PAK1: variants seen among roughly 807,000 people sequenced by gnomAD.
PAK1 encodes the protein serine/threonine-protein kinase PAK 1.
PAK1 carries 29 observed loss-of-function variants against 67.4 expected under a neutral mutation model. The ratio of observed to expected loss-of-function variants is 0.43; its 90% CI spans 0.32 to 0.59. PAK1 has a LOEUF of 0.59. Among genes scored for constraint, PAK1 ranks in the 20% least tolerant of loss-of-function variants. The probability of loss-of-function intolerance (pLI) is 0.07; values close to 1 mark genes in which losing one functional copy is unlikely to be tolerated. For synonymous variants in PAK1, 223 were observed against 237.4 expected (o/e 0.94, Z 0.56); for missense variants, 337 against 670.7 (o/e 0.50, Z 5.50).
the PAK1 span, among the ~76,000 whole-genome samples, chr11:77,503,888 T>C: frequency 6.6e-6 from 1 of 152,186 alleles, no homozygotes; most frequent in South Asian, 2.1e-4. Flanking sequence ...AAAGTATTTA[T>C]GAATCTTTTT....
intron 8 of PAK1, 109 bp from the exon 9 acceptor site, chr11:77,349,396 A>G (rs113728431): frequency 2.7e-5 from 22 of 817,416 alleles, no homozygotes; most frequent in African/African-American, 3.4e-5. Context: ...AAACAAGAGC[A>G]GTAAAAATAA....
intron 1 of PAK1, among the ~76,000 whole-genome samples, chr11:77,465,657 G>A (rs1957562615): frequency 6.6e-6 from 1 of 152,088 alleles, no homozygotes; most frequent in South Asian, 2.1e-4. Flanking sequence ...TAAGTGGGAG[G>A]GAATGTTATA....
At chr11:77,338,824 A>G (rs1943136883) in intron 11 of PAK1, among the ~76,000 whole-genome samples, 1 of 152,224 alleles carries the variant, frequency 6.6e-6, no homozygotes, top group Admixed American at 6.5e-5. Context: ...GCCAATTACA[A>G]AAGAGCAAAT....
At chr11:77,460,121 C>A (rs574652094) in intron 1 of PAK1, among the ~76,000 whole-genome samples, 56 of 147,570 alleles carry the variant, frequency 3.8e-4, no homozygotes, top group African/African-American at 1.4e-3. Context: ...GTGTGAAGGC[C>A]CTGAGGAGAG....
At chr11:77,507,804 G>A in the PAK1 span, among the ~76,000 whole-genome samples, 1 of 152,108 alleles carries the variant, frequency 6.6e-6, no homozygotes. Flanking sequence ...GGGATTACAC[G>A]CATGAGCCAC....
At chr11:77,401,291 T>C (rs1330982801) in intron 1 of PAK1, among the ~76,000 whole-genome samples, 2 of 152,146 alleles carry the variant, frequency 1.3e-5, no homozygotes, top group East Asian at 3.9e-4. Flanking sequence ...GATGTCCTTC[T>C]AACATGTCAA....
chr11:77,489,669 T>G, the PAK1 span, among the ~76,000 whole-genome samples: 1 of 151,700 alleles, frequency 6.6e-6, no homozygotes, highest in Non-Finnish European at 1.5e-5. Flanking sequence ...CGGGCTGGTC[T>G]CCAGCTCCTA....
At chr11:77,361,932 A>T (rs1946846212) in intron 5 of PAK1, among the ~76,000 whole-genome samples, 1 of 152,202 alleles carries the variant, frequency 6.6e-6, no homozygotes. Flanking sequence ...ATAGGCAAGA[A>T]TATTAAATAT....
At chr11:77,439,572 CA>C (rs34990278) in intron 1 of PAK1, among the ~76,000 whole-genome samples, 35,436 of 151,876 alleles carry the variant, frequency 0.23, 4,698 homozygotes, top group Non-Finnish European at 0.3. Context: ...TCTTTTCAGA[CA>C]ATTACAGAAA....
In PAK1 at chr11:77,343,912, T is replaced by G; in HGVS notation, c.905A>C (p.Asn302Thr). 6.2e-7 allele frequency: 1 copy of G among 1,611,836 alleles called. No individual in the cohort carries two copies. Among genetic ancestry groups the G allele is most frequent in the Non-Finnish European group, 8.5e-7 (1 of 1,177,942 alleles). ...TGQEVAIKQMNLQQQPKKELI... is the reference protein window; with the variant it reads ...TGQEVAIKQMTLQQQPKKELI... ...CTCTTTCTTGGGCTGCTGCTGAAGA[T>G]TCATCTGCTTAATGGCCACCTGAAA... The change falls in exon 10 of 15, where the codon AAT becomes ACT. Residue 302 changes from asparagine (N) to threonine (T), a missense_variant. This residue lies in a region of PAK1 where 18 missense variants were observed against 45.2 expected (regional missense o/e 0.40). Transcript: ENST00000356341.
At chr11:77,325,951 T>C (rs998599559) in intron 14 of PAK1, among the ~76,000 whole-genome samples, 3 of 152,150 alleles carry the variant, frequency 2.0e-5, no homozygotes, top group South Asian at 4.1e-4. Flanking sequence ...ATTAACAAAA[T>C]AGAGGTTATA....
chr11:77,374,437 G>T, intron 4 of PAK1, 72 bp from the exon 5 acceptor site: 2 of 934,932 alleles, frequency 2.1e-6, no homozygotes, highest in Non-Finnish European at 3.5e-6. Context: ...AGCAAAAGAA[G>T]TCTATCTGGT....
At chr11:77,355,377 C>G (rs1170819216) in intron 7 of PAK1, among the ~76,000 whole-genome samples, 1 of 152,110 alleles carries the variant, frequency 6.6e-6, no homozygotes, top group Non-Finnish European at 1.5e-5. Flanking sequence ...CTAGGCTATT[C>G]ATTAGAGAAA....
chr11:77,332,152 T>A (rs1941697041), intron 14 of PAK1, among the ~76,000 whole-genome samples: 1 of 149,808 alleles, frequency 6.7e-6, no homozygotes, highest in African/African-American at 2.5e-5. Context: ...AAAAAGTTTT[T>A]AAAAAACTAG....
chr11:77,334,634 C>T (rs1033710888), intron 13 of PAK1, among the ~76,000 whole-genome samples: 8 of 152,124 alleles, frequency 5.3e-5, no homozygotes, highest in South Asian at 2.1e-4. Context: ...AGTACTTGAT[C>T]GAACCCCTCT....
chr11:77,365,018 G>C (rs1348523737), intron 5 of PAK1, among the ~76,000 whole-genome samples: 1 of 152,102 alleles, frequency 6.6e-6, no homozygotes, highest in African/African-American at 2.4e-5. Context: ...GGAGGCCAAG[G>C]TGGGCGGATC....
At chr11:77,356,184 T>A (rs529358195) in intron 6 of PAK1, 2 of 182,764 alleles carry the variant, frequency 1.1e-5, no homozygotes, top group Admixed American at 6.1e-5. Flanking sequence ...AAAAGAAATA[T>A]CCTGTATTCC....
intron 1 of PAK1, among the ~76,000 whole-genome samples, chr11:77,447,311 T>C (rs1235006769): frequency 2.6e-5 from 4 of 152,206 alleles, no homozygotes; most frequent in Admixed American, 1.3e-4. Flanking sequence ...TTATTCCCAT[T>C]GTCTGATTCT....
At chr11:77,452,930 TTAAC>T (rs1956920703) in intron 1 of PAK1, among the ~76,000 whole-genome samples, 1 of 152,212 alleles carries the variant, frequency 6.6e-6, no homozygotes, top group Admixed American at 6.5e-5. Context: ...GCTTATGACT[TTAAC>T]TAAATCCCAT....
Sources: gnomAD v4.1 joint callset for allele counts (sites outside exome capture counted in the v4.1 genomes callset) on GRCh38, gnomAD v4.1.1 for gene constraint, gnomAD v4.1.1 regional missense constraint, MANE v1.5 for transcripts, NCBI Gene and HGNC (gene_info 2026-07-23, HGNC 2026-07-21) for gene names.